CNGA4: variants seen among roughly 807,000 people sequenced by gnomAD.
CNGA4 encodes cyclic nucleotide-gated channel alpha-4.
In CNGA4, 32 loss-of-function variants were observed where a neutral mutation model predicts 45.6. That is an observed-to-expected ratio of 0.70 (90% CI 0.53 to 0.94). The LOEUF (loss-of-function observed/expected upper bound fraction) is 0.94. Among genes scored for constraint, CNGA4 ranks in the 40% least tolerant of loss-of-function variants. CNGA4 has a pLI of 0.00. For missense variants in CNGA4, 726 were observed against 755.1 expected (o/e 0.96, Z 0.45); for synonymous variants, 293 against 304.6 (o/e 0.96, Z 0.40).
At chr11:6,244,570 G>A, downstream of CNGA4, 1 of 569,396 alleles carries the variant, frequency 1.8e-6, no homozygotes, top group Non-Finnish European at 3.1e-6. The surrounding 1 kb of genome is among the most constrained non-coding windows in gnomAD (Gnocchi z 4.5). Flanking sequence ...CGCACATTCA[G>A]CCCCCACTTA....
chr11:6,235,503 G>A (rs191140452), upstream of CNGA4: 23 of 985,448 alleles, frequency 2.3e-5, no homozygotes, highest in East Asian at 2.0e-3. Context: ...TGCATGTATA[G>A]AGGATGAGAG....
intron 1 of CNGA4, 39 bp from the exon 2 acceptor site, chr11:6,239,345 G>T (rs201804648): frequency 2.7e-5 from 44 of 1,612,776 alleles, no homozygotes; most frequent in Admixed American, 8.3e-5. Context: ...AGCTTTGAAT[G>T]CCTGGTGAAT....
upstream of CNGA4, chr11:6,235,404 C>A: frequency 1.1e-6 from 1 of 896,494 alleles, no homozygotes; most frequent in Non-Finnish European, 1.3e-6. Context: ...TAGAACCGGC[C>A]TCTGCTCTCC....
intron 3 of CNGA4, 104 bp downstream of exon 3, chr11:6,239,894 C>A: frequency 7.4e-7 from 1 of 1,359,366 alleles, no homozygotes; most frequent in South Asian, 1.3e-5. Flanking sequence ...AGCACCTTCG[C>A]GTGCCTCTAT....
chr11:6,239,607 AG>A (rs1847880940), intron 2 of CNGA4, 76 bp from the exon 3 acceptor site: 1 of 1,557,420 alleles, frequency 6.4e-7, no homozygotes, highest in South Asian at 1.1e-5. Context: ...CCTGAGGCAG[AG>A]GGTTAAGGGC....
At chr11:6,236,752 C>T (rs1400130961), upstream of CNGA4, among the ~76,000 whole-genome samples, 2 of 152,170 alleles carry the variant, frequency 1.3e-5, no homozygotes, top group African/African-American at 4.8e-5. Context: ...ACACCTTTCT[C>T]TGTGTTTGTT....
chr11:6,237,969 A>G (rs1381598451), upstream of CNGA4, among the ~76,000 whole-genome samples: 1 of 152,146 alleles, frequency 6.6e-6, no homozygotes, highest in African/African-American at 2.4e-5. Context: ...TAGGCCCTCT[A>G]AAATAAGCCA....
chr11:6,238,034 T>C, upstream of CNGA4, among the ~76,000 whole-genome samples: 1 of 152,198 alleles, frequency 6.6e-6, no homozygotes, highest in Non-Finnish European at 1.5e-5. Flanking sequence ...CTTTGCCCAC[T>C]CTGTGCATTC....
At position 6,244,466 on chromosome 11, in the gene CNGA4, C is replaced by A; in HGVS notation, c.*57C>A. The A allele has an allele frequency of 6.8e-7, 1 of 1,471,090 alleles. No individual in the cohort carries two copies. The highest frequency in any genetic ancestry group is 9.2e-7 in the Non-Finnish European group (1 of 1,084,028). The allele number at this position is 1,471,090 out of a possible 1,614,324, so 91.1% of individuals were successfully genotyped here. ...TAGTGAATCCAGAGTTGTAGTAAAGCCTAACTGCTGCAACTCTGTCATCCT... is the reference window on the plus strand; with the variant it reads ...TAGTGAATCCAGAGTTGTAGTAAAGACTAACTGCTGCAACTCTGTCATCCT... On this transcript the variant is annotated 3_prime_UTR_variant, in exon 6 of 6. Coordinates refer to ENST00000379936, the MANE Select transcript of CNGA4 (RefSeq NM_001037329.4). The surrounding 1 kb of genome is among the most constrained non-coding windows in gnomAD (Gnocchi z 4.5).
rs2133878419 is a variant in CNGA4, at chr11:6,241,728, T to C, written c.1215T>C (p.Ala405=). Residue 405 remains alanine (A), a synonymous_variant, in exon 5 of 6, where the codon GCT becomes GCC. Coordinates refer to ENST00000379936, the MANE Select transcript of CNGA4 (RefSeq NM_001037329.4). ...VVADDGITQY[A]VLGAGLYFGE... is the part of the protein sequence containing the mutation. ...CAGATGATGGTATCACACAGTATGC[T>C]GTGCTCGGTGCAGGGCTCTACTTTG... The C allele has an allele frequency of 6.2e-7, 1 of 1,614,204 alleles. No individual in the cohort carries two copies. Among genetic ancestry groups the C allele is most frequent in the Non-Finnish European group, 8.5e-7 (1 of 1,180,038 alleles).
chr11:6,244,233 C>A lies in CNGA4; in HGVS notation c.1552C>A (p.Leu518Met). ...QTKFARLLAE[L>M]ESSALKIAYR... Reference sequence around the variant, plus strand: ...CAAGTTTGCTCGCCTCCTGGCTGAGCTGGAGTCCAGCGCACTTAAGATTGC... The same window carrying A: ...CAAGTTTGCTCGCCTCCTGGCTGAGATGGAGTCCAGCGCACTTAAGATTGC... The change falls in exon 6 of 6, where the codon CTG (leucine) becomes ATG (methionine). Residue 518 changes from leucine (L) to methionine (M), a missense_variant. By Grantham distance (15) the Leu-to-Met change is conservative. Transcript: ENST00000379936. The surrounding 1 kb of genome is among the most constrained non-coding windows in gnomAD (Gnocchi z 4.5). 2 of 1,614,234 alleles carry A rather than the reference C, an allele frequency of 1.2e-6. No individual in the cohort carries two copies. The highest frequency in any genetic ancestry group is 1.7e-6 in the Non-Finnish European group (2 of 1,180,030).
chr11:6,243,580 C>CA (rs1847947292), intron 5 of CNGA4, among the ~76,000 whole-genome samples: 1 of 152,200 alleles, frequency 6.6e-6, no homozygotes, highest in Non-Finnish European at 1.5e-5. Context: ...GACAAATATT[C>CA]AAATTATATC....
downstream of CNGA4, among the ~76,000 whole-genome samples, chr11:6,244,943 T>C (rs770754375): frequency 5.9e-5 from 9 of 152,170 alleles, no homozygotes; most frequent in Admixed American, 1.3e-4. This position sits in a 1 kb window ranked among gnomAD's most constrained non-coding sequence, Gnocchi z 4.5. Flanking sequence ...ACCCTGAAAG[T>C]TGCACTTCAA....
upstream of CNGA4, among the ~76,000 whole-genome samples, chr11:6,237,576 A>G (rs1161823670): frequency 6.6e-6 from 1 of 152,100 alleles, no homozygotes; most frequent in East Asian, 1.9e-4. Context: ...ACACCATCAT[A>G]GAAGGAATAG....
rs1482088645 is a variant in CNGA4, at chr11:6,241,747, T to C, written c.1234T>C (p.Tyr412His). 6.2e-7 allele frequency: 1 copy of C among 1,614,188 alleles called. No individual in the cohort carries two copies. Among genetic ancestry groups the C allele is most frequent in the South Asian group, 1.1e-5 (1 of 91,084 alleles). ...TQYAVLGAGL[Y>H]FGEISIINIK... is the part of the protein sequence containing the mutation. Reference sequence around the variant, plus strand: ...GTATGCTGTGCTCGGTGCAGGGCTCTACTTTGGGGAGATCAGCATCATCAA... The same window carrying C: ...GTATGCTGTGCTCGGTGCAGGGCTCCACTTTGGGGAGATCAGCATCATCAA... The change falls in exon 5 of 6, where the codon TAC becomes CAC. Residue 412 changes from tyrosine to histidine, a missense_variant. Transcript: ENST00000379936.
At chr11:6,235,170 G>C (rs1478458068), upstream of CNGA4, among the ~76,000 whole-genome samples, 2 of 152,280 alleles carry the variant, frequency 1.3e-5, no homozygotes, top group Admixed American at 6.5e-5. Flanking sequence ...CAGTAGGTGG[G>C]CCGGGCCTGC....
chr11:6,240,394 A>G lies in CNGA4; in HGVS notation c.600A>G (p.Ala200=), dbSNP rs1847898553. 5 of 1,614,214 alleles carry G rather than the reference A, an allele frequency of 3.1e-6. No homozygotes were observed. Among genetic ancestry groups the G allele is most frequent in the Non-Finnish European group, 4.2e-6 (5 of 1,180,042 alleles). The stretch of plus-strand genomic sequence containing the variant: ...GGTACCTGGGCTTCGGGCGTGACGC[A>G]TGGGTGTACCCGGACCCCGCGCAGC... ...LSRYLGFGRD[A]WVYPDPAQPG... The change falls in exon 4 of 6, where the codon GCA becomes GCG. Residue 200 remains alanine (A), a synonymous_variant. Coordinates refer to ENST00000379936, the MANE Select transcript of CNGA4 (RefSeq NM_001037329.4). This position sits in a 1 kb window ranked among gnomAD's most constrained non-coding sequence, Gnocchi z 4.9.
Position 6,239,253 on chromosome 11 carries a change from C to A in CNGA4, c.47C>A (p.Ala16Asp). The A allele has an allele frequency of 1.9e-6, 3 of 1,614,170 alleles. No individual in the cohort carries two copies. Among genetic ancestry groups the A allele is most frequent in the Non-Finnish European group, 2.5e-6 (3 of 1,180,008 alleles). The part of the protein sequence containing the change: ...KVKTTESSPP[A>D]PSKARKLLPV... ...AAGACAACAGAGTCCAGTCCCCCAG[C>A]CCCATCCAAGGCCAGGTGAGAAGTC... Residue 16 changes from alanine (A) to aspartate (D), a missense_variant, in exon 1 of 6, where the codon GCC (alanine) becomes GAC (aspartate). Ala to Asp is a moderately radical substitution (Grantham distance 126). Coordinates refer to ENST00000379936, the MANE Select transcript of CNGA4 (RefSeq NM_001037329.4).
At chr11:6,241,852 G>A (rs747426698) in intron 5 of CNGA4, 72 bp downstream of exon 5, 10 of 1,370,874 alleles carry the variant, frequency 7.3e-6, no homozygotes, top group Non-Finnish European at 1.0e-5. Context: ...CCCAGTGCTG[G>A]GACCAGATAG....
Sources: allele counts gnomAD v4.1 joint callset (sites outside exome capture counted in the v4.1 genomes callset), GRCh38; gene constraint gnomAD v4.1.1; non-coding constraint Gnocchi (gnomAD v3.1); transcripts MANE v1.5; gene names NCBI Gene and HGNC (gene_info 2026-07-23, HGNC 2026-07-21).